The following BPTF variants were observed in gnomAD, a reference collection of about 807,000 sequenced individuals.
The protein encoded by BPTF is bromodomain PHD finger transcription factor.
BPTF carries 18 observed loss-of-function variants against 292.5 expected under a neutral mutation model. That is an observed-to-expected ratio of 0.06 (90% confidence interval 0.04 to 0.09). BPTF has a LOEUF of 0.09. Ranked by LOEUF, BPTF falls within the 10% of genes least tolerant of loss-of-function variation. The pLI, the probability that BPTF is intolerant of heterozygous loss-of-function variation, is 1.00. For missense variants in BPTF, 2,726 were observed against 3,498.7 expected (o/e 0.78, Z 5.57); for synonymous variants, 1,225 against 1,251.9 (o/e 0.98, Z 0.45).
Position 67,862,675 on chromosome 17 carries a change from C to CA in BPTF, c.1437-3781dup, listed in dbSNP as rs895637395. Among the ~76,000 whole-genome samples, 32 of 151,204 alleles carry CA rather than the reference C, an allele frequency of 2.1e-4. 1 individual carries two copies. Among genetic ancestry groups the CA allele is most frequent in the South Asian group, 6.3e-4 (3 of 4,776 alleles). On this transcript the variant is annotated intron_variant, in intron 2 of 27. Transcript: ENST00000306378. ...CAGCTGCTATAACAAAGTACTATAC[C>CA]AAAAAAAAGTACTATAAAACTGGGT...
chr17:67,960,477 G>A (rs2067372531), intron 24 of BPTF: 2 of 152,284 alleles, frequency 1.3e-5, no homozygotes, highest in South Asian at 4.1e-4. Context: ...CCAACAGTTT[G>A]GCAGCTGGAA....
At chr17:67,956,175 C>G (rs1408199041) in intron 23 of BPTF, 1 of 151,454 alleles carries the variant, frequency 6.6e-6, no homozygotes, top group Admixed American at 6.6e-5. Flanking sequence ...AAAAATTAGC[C>G]GGGCGTGATG....
intron 12 of BPTF, 108 bp from the exon 13 acceptor site, chr17:67,919,907 T>C: frequency 9.4e-7 from 1 of 1,061,094 alleles, no homozygotes; most frequent in South Asian, 1.6e-5. Flanking sequence ...GTCAGGTGTT[T>C]CCAAAAGTTT....
chr17:67,835,839 G>A (rs1391828510), intron 1 of BPTF, among the ~76,000 whole-genome samples: 1 of 151,948 alleles, frequency 6.6e-6, no homozygotes, highest in Non-Finnish European at 1.5e-5. Context: ...CTAATTTTTT[G>A]TAATTTTAGT....
chr17:67,947,875 C>G lies in BPTF; in HGVS notation c.7700+67C>G, dbSNP rs1057056483. 21 of 1,438,970 alleles carry G rather than the reference C, an allele frequency of 1.5e-5. No individual in the cohort carries two copies. The African/African-American group carries it at 2.0e-4, about 14-fold the overall frequency. 89.1% of individuals were successfully genotyped at this position (1,438,970 alleles called of 1,614,324 possible). On this transcript the variant is annotated intron_variant, in intron 22 of 27. Transcript: ENST00000306378. Reference sequence around the variant, plus strand: ...CTTTATCGTGCACACGCACAGAGTTCTGAGTTTATACTTGTTTATCTTGAT... The same window carrying G: ...CTTTATCGTGCACACGCACAGAGTTGTGAGTTTATACTTGTTTATCTTGAT...
At chr17:67,971,661 G>A (rs1340002952) in intron 26 of BPTF, among the ~76,000 whole-genome samples, 2 of 151,600 alleles carry the variant, frequency 1.3e-5, no homozygotes, top group African/African-American at 2.4e-5. Context: ...AAAATTAGTC[G>A]GGCATGGTGG....
chr17:67,906,777 T>TGCA, intron 9 of BPTF, among the ~76,000 whole-genome samples: 1 of 152,314 alleles, frequency 6.6e-6, no homozygotes, highest in Admixed American at 6.5e-5. Context: ...TATGATTTCT[T>TGCA]TGCACTCTCT....
intron 4 of BPTF, chr17:67,886,426 A>C (rs201343822): frequency 1.4e-6 from 1 of 693,448 alleles, no homozygotes; most frequent in Non-Finnish European, 2.1e-6. Context: ...TTAGTTTTTA[A>C]TTTTTTAAAT....
At position 67,846,196 on chromosome 17, in the gene BPTF, T is replaced by G. The variant is rs2058019012; in HGVS notation, c.614-7744T>G. ...AAATAGTCCAAACATTCAGAAAAGT[T>G]TTAAAAATATAGGCTGGGCATGGTG... On this transcript the variant is annotated intron_variant, in intron 1 of 27. Transcript: ENST00000306378. 2.0e-5 allele frequency among the ~76,000 whole-genome samples: 3 copies of G among 152,284 alleles called. No homozygotes were observed. The South Asian group carries it at 6.2e-4, about 32-fold the overall frequency.
chr17:67,935,592 T>C (rs2064846737), intron 18 of BPTF, among the ~76,000 whole-genome samples: 1 of 152,020 alleles, frequency 6.6e-6, no homozygotes. Flanking sequence ...AAAAGTACAA[T>C]AAAAATAAAG....
At chr17:67,910,440 G>T (rs1374189500) in intron 10 of BPTF, among the ~76,000 whole-genome samples, 1 of 152,010 alleles carries the variant, frequency 6.6e-6, no homozygotes, top group Non-Finnish European at 1.5e-5. Flanking sequence ...ATTGTCTTTT[G>T]TAACAAGTCA....
Position 67,826,318 on chromosome 17 carries a change from T to C in BPTF, c.594T>C (p.Ser198=). 6.2e-7 allele frequency: 1 copy of C among 1,611,488 alleles called. No homozygotes were observed. The highest frequency in any genetic ancestry group is 8.5e-7 in the Non-Finnish European group (1 of 1,179,330). ...YCTESSFRSH[S]TYSSTPGRRK... Reference sequence around the variant, plus strand: ...CGGAAAGCAGCTTCAGGAGCCATAGTACCTACAGCAGCACTCCAGGTACCC... The same window carrying C: ...CGGAAAGCAGCTTCAGGAGCCATAGCACCTACAGCAGCACTCCAGGTACCC... The change falls in exon 1 of 28, where the codon AGT becomes AGC. Residue 198 remains serine, a synonymous_variant. Transcript: ENST00000306378.
At chr17:67,926,266 C>T (rs374945475) in intron 15 of BPTF, among the ~76,000 whole-genome samples, 2 of 149,338 alleles carry the variant, frequency 1.3e-5, no homozygotes, top group Non-Finnish European at 3.0e-5. Context: ...ACCAGGGCCT[C>T]CCAAAGTGCT....
intron 3 of BPTF, among the ~76,000 whole-genome samples, chr17:67,872,968 T>C (rs1398840652): frequency 6.6e-6 from 1 of 152,142 alleles, no homozygotes. Flanking sequence ...ATACCTATAG[T>C]TCCATCTACT....
At chr17:67,836,702 T>C (rs1369290058) in intron 1 of BPTF, among the ~76,000 whole-genome samples, 3 of 152,294 alleles carry the variant, frequency 2.0e-5, no homozygotes, top group Middle Eastern at 3.4e-3. Flanking sequence ...CTCACAGTAA[T>C]CAAGAGAACA....
chr17:67,933,558 G>A (rs2064614962), intron 18 of BPTF, among the ~76,000 whole-genome samples: 2 of 151,402 alleles, frequency 1.3e-5, no homozygotes, highest in Non-Finnish European at 2.9e-5. Context: ...GACGGAGCAC[G>A]ACCTGTTTAA....
intron 1 of BPTF, among the ~76,000 whole-genome samples, chr17:67,832,265 A>C (rs2056759984): frequency 6.6e-6 from 1 of 152,132 alleles, no homozygotes; most frequent in African/African-American, 2.4e-5. Flanking sequence ...TAAAAAAAAA[A>C]AACCACTTAT....
intron 15 of BPTF, among the ~76,000 whole-genome samples, chr17:67,927,919 T>C (rs1342381415): frequency 6.6e-6 from 1 of 152,098 alleles, no homozygotes; most frequent in Non-Finnish European, 1.5e-5. Context: ...GGAGTCACTC[T>C]GTCACCCAGG....
chr17:67,903,986 A>G (rs1041488717), intron 8 of BPTF, 68 bp downstream of exon 8: 17 of 1,268,802 alleles, frequency 1.3e-5, no homozygotes, highest in Non-Finnish European at 1.5e-5. Context: ...GAAACTTTGA[A>G]TACTTACTAA....
Sources: gnomAD v4.1 joint callset for allele counts (sites outside exome capture counted in the v4.1 genomes callset) on GRCh38, gnomAD v4.1.1 for gene constraint, MANE v1.5 for transcripts, NCBI Gene and HGNC (gene_info 2026-07-23, HGNC 2026-07-21) for gene names.